The following PSPC1 variants were observed in gnomAD, a reference collection of about 807,000 sequenced individuals.
PSPC1 encodes the protein paraspeckle component 1.
A neutral mutation model predicts 51.6 loss-of-function variants in PSPC1; 14 were observed. The observed-to-expected ratio is 0.27, with a 90% CI of 0.18 to 0.42. The LOEUF is 0.42. Among genes scored for constraint, PSPC1 ranks in the 10% least tolerant of loss-of-function variants. PSPC1 has a pLI of 1.00. For synonymous variants in PSPC1, 193 were observed against 231.9 expected, an observed-to-expected ratio of 0.83 and a Z score of 1.53; for missense variants, 406 against 701.1, an observed-to-expected ratio of 0.58 and a Z score of 4.75.
At chr13:19,776,507 C>T (rs938705120) in intron 1 of PSPC1, among the ~76,000 whole-genome samples, 4 of 151,726 alleles carry the variant, frequency 2.6e-5, no homozygotes, top group Non-Finnish European at 5.9e-5. Flanking sequence ...GTACCCTTTA[C>T]TATATGCAAA....
At chr13:19,717,869 CCA>C (rs1882306978) in intron 6 of PSPC1, among the ~76,000 whole-genome samples, 1 of 142,466 alleles carries the variant, frequency 7.0e-6, no homozygotes, top group Non-Finnish European at 1.5e-5. Context: ...GAGGGAGACT[CCA>C]CTTTAAAAAA....
chr13:19,781,129 G>A (rs1309070216), intron 1 of PSPC1, among the ~76,000 whole-genome samples: 1 of 145,908 alleles, frequency 6.9e-6, no homozygotes, highest in African/African-American at 2.6e-5. Context: ...CTGGGTGATA[G>A]AGCGAGACCC....
Position 19,703,050 on chromosome 13 carries a change from A to C in PSPC1, c.*125T>G, listed in dbSNP as rs867105674. Reference sequence around the variant, plus strand: ...AAATACAAAAACCTCAAGTTTTACAAAAAAAAAAAAACTTTTAAGTCTACA... The same window carrying C: ...AAATACAAAAACCTCAAGTTTTACACAAAAAAAAAAACTTTTAAGTCTACA... On this transcript the variant is annotated 3_prime_UTR_variant, in exon 9 of 9. Transcript: ENST00000338910. 1.7e-4 allele frequency: 6 copies of C among 35,786 alleles called. 1 individual carries two copies. In the South Asian group the frequency reaches 3.9e-3, roughly 23 times the overall value. The allele number at this position is 35,786 out of a possible 1,614,324, so 2.2% of individuals were successfully genotyped here. A position where few individuals can be genotyped will look rare whatever the true frequency, so the allele number is the denominator to read the frequency against.
At chr13:19,753,052 A>G (rs1179744927) in intron 3 of PSPC1, among the ~76,000 whole-genome samples, 2 of 151,340 alleles carry the variant, frequency 1.3e-5, no homozygotes, top group Non-Finnish European at 2.9e-5. Flanking sequence ...GGAGGCTGAG[A>G]CAGGCGGATC....
At chr13:19,701,756 T>C (rs984083057), downstream of PSPC1, among the ~76,000 whole-genome samples, 5 of 152,214 alleles carry the variant, frequency 3.3e-5, no homozygotes, top group African/African-American at 1.2e-4. Flanking sequence ...TAAAATAGCA[T>C]ATTATCTTTC....
At chr13:19,689,094 C>T (rs987404874) in intron 6 of PSPC1, among the ~76,000 whole-genome samples, 1 of 152,072 alleles carries the variant, frequency 6.6e-6, no homozygotes, top group African/African-American at 2.4e-5. Flanking sequence ...AGTCAACTGT[C>T]GACATGAGCT....
At chr13:19,762,514 C>T (rs1205082560) in intron 2 of PSPC1, among the ~76,000 whole-genome samples, 3 of 152,076 alleles carry the variant, frequency 2.0e-5, no homozygotes, top group Admixed American at 6.6e-5. Flanking sequence ...GAGCCGAGAT[C>T]GTGCCATTGC....
At chr13:19,735,559 T>G (rs369763363) in intron 5 of PSPC1, among the ~76,000 whole-genome samples, 16 of 152,288 alleles carry the variant, frequency 1.1e-4, no homozygotes, top group African/African-American at 3.4e-4. Context: ...CAGAAACTTG[T>G]GTACTCCAAA....
rs557163106 is a variant in PSPC1 at position 19,782,222 on chromosome 13, C to A, written c.372+164G>T. On this transcript the variant is annotated intron_variant, in intron 1 of 8. Transcript: ENST00000338910. The surrounding 1 kb of genome is among the most constrained non-coding windows in gnomAD (Gnocchi z 4.5). Reference sequence around the variant, plus strand: ...TGAACTCGAAACCAAAGGCGCCGAGCTGGGGAAGCGGCCAACCCCGCACAG... The same window carrying A: ...TGAACTCGAAACCAAAGGCGCCGAGATGGGGAAGCGGCCAACCCCGCACAG... Among the ~76,000 whole-genome samples the A allele has an allele frequency of 6.6e-6, 1 of 152,358 alleles. No individual in the cohort carries two copies. The highest frequency in any genetic ancestry group is 2.1e-4 in the South Asian group (1 of 4,828).
intron 7 of PSPC1, 46 bp from the exon 8 acceptor site, chr13:19,705,877 T>C (rs1387396605): frequency 4.1e-6 from 6 of 1,465,964 alleles, no homozygotes; most frequent in Non-Finnish European, 5.5e-6. Flanking sequence ...CTTAGTTTAG[T>C]AAACATTAAC....
intron 2 of PSPC1, among the ~76,000 whole-genome samples, chr13:19,769,294 G>A (rs1234124588): frequency 2.6e-5 from 4 of 151,792 alleles, no homozygotes; most frequent in Admixed American, 1.3e-4. Context: ...AGTGGCTCAC[G>A]CCTGTAATCC....
chr13:19,699,795 T>C (rs1879683198), downstream of PSPC1, among the ~76,000 whole-genome samples: 1 of 152,062 alleles, frequency 6.6e-6, no homozygotes, highest in African/African-American at 2.4e-5. Context: ...AGAAGATATG[T>C]ATATGGATAT....
At chr13:19,690,246 A>C (rs1211462174) in intron 6 of PSPC1, among the ~76,000 whole-genome samples, 1 of 152,226 alleles carries the variant, frequency 6.6e-6, no homozygotes, top group African/African-American at 2.4e-5. Context: ...TTAAAGTTCA[A>C]TTACTGGAAG....
At chr13:19,723,377 A>C (rs1883004435) in intron 6 of PSPC1, among the ~76,000 whole-genome samples, 1 of 152,244 alleles carries the variant, frequency 6.6e-6, no homozygotes, top group Non-Finnish European at 1.5e-5. Flanking sequence ...TCATTCAAAA[A>C]AGATTTACAA....
chr13:19,730,946 G>GAAAAAAAAAAAAAAAAAAAAAAAAAA (rs1168386647), intron 5 of PSPC1, among the ~76,000 whole-genome samples: 2 of 25,218 alleles, frequency 7.9e-5, no homozygotes, highest in Non-Finnish European at 1.0e-4. Context: ...CCCTGTCTCA[G>GAAAAAAAAAAAAAAAAAAAAAAAAAA]AAAAAAAAAA....
chr13:19,760,453 AG>A (rs1377892756), intron 2 of PSPC1, among the ~76,000 whole-genome samples: 3 of 150,906 alleles, frequency 2.0e-5, no homozygotes, highest in African/African-American at 7.3e-5. Flanking sequence ...GCCTGAACTC[AG>A]GAGGCAGAGG....
At chr13:19,777,288 G>A (rs1889250927) in intron 1 of PSPC1, among the ~76,000 whole-genome samples, 1 of 150,884 alleles carries the variant, frequency 6.6e-6, no homozygotes, top group Non-Finnish European at 1.5e-5. Context: ...AAATTAGCCG[G>A]GCATGAAGGC....
chr13:19,748,040 C>A (rs1468116275), intron 4 of PSPC1, among the ~76,000 whole-genome samples: 1 of 151,910 alleles, frequency 6.6e-6, no homozygotes, highest in Non-Finnish European at 1.5e-5. Flanking sequence ...ATGATGAAAC[C>A]CCATCTCTAC....
chr13:19,771,434 G>A (rs767919770), intron 2 of PSPC1, among the ~76,000 whole-genome samples: 3 of 152,008 alleles, frequency 2.0e-5, no homozygotes, highest in Non-Finnish European at 4.4e-5. Flanking sequence ...CACCGCGCCT[G>A]GCCCAAGGTA....
Sources: allele counts gnomAD v4.1 joint callset (sites outside exome capture counted in the v4.1 genomes callset), GRCh38; gene constraint gnomAD v4.1.1; non-coding constraint Gnocchi (gnomAD v3.1); transcripts MANE v1.5; gene names NCBI Gene and HGNC (gene_info 2026-07-23, HGNC 2026-07-21).